The following KIF6 variants were observed in gnomAD, a reference collection of about 807,000 sequenced individuals.
The protein encoded by KIF6 is kinesin family member 6, also known as kinesin-like protein KIF6.
KIF6 carries 106 observed loss-of-function variants against 112.7 expected under a neutral mutation model. That is an observed-to-expected ratio of 0.94 (90% confidence interval 0.80 to 1.11). The LOEUF is 1.11. Ranked by LOEUF, KIF6 falls within the 50% of genes least tolerant of loss-of-function variation. The pLI is 0.00. For missense variants in KIF6, 929 were observed against 964.0 expected, an observed-to-expected ratio of 0.96 and a Z score of 0.48; for synonymous variants, 339 against 339.9, an observed-to-expected ratio of 1.00 and a Z score of 0.03.
intron 9 of KIF6, among the ~76,000 whole-genome samples, chr6:39,584,417 T>TAAAAAAAAAAAAAAAA (rs61215070): frequency 2.2e-5 from 1 of 46,064 alleles, no homozygotes; most frequent in African/African-American, 4.8e-5. Context: ...ACTCTGTCTC[T>TAAAAAAAAAAAAAAAA]AAAAAAAAAA....
At chr6:39,585,090 T>A (rs1332811317) in intron 8 of KIF6, 106 bp from the exon 9 acceptor site, 3 of 695,842 alleles carry the variant, frequency 4.3e-6, no homozygotes, top group Admixed American at 2.3e-5. Flanking sequence ...ACCTAAAAAG[T>A]GATGTGTATA....
intron 10 of KIF6, among the ~76,000 whole-genome samples, chr6:39,547,796 C>A (rs1402757075): frequency 6.6e-6 from 1 of 152,182 alleles, no homozygotes; most frequent in Non-Finnish European, 1.5e-5. Flanking sequence ...AAAGGTATTT[C>A]ATTTCTAATG....
intron 5 of KIF6, among the ~76,000 whole-genome samples, chr6:39,632,912 G>A (rs1841205): frequency 0.058 from 8,791 of 152,044 alleles, 777 homozygotes; most frequent in African/African-American, 0.19. Flanking sequence ...GAGCCACCGC[G>A]CCTGGCCAAG....
chr6:39,541,118 T>A (rs994366001), intron 12 of KIF6, among the ~76,000 whole-genome samples: 1 of 152,204 alleles, frequency 6.6e-6, no homozygotes, highest in Non-Finnish European at 1.5e-5. Flanking sequence ...AAATGTGGTA[T>A]GTGTCCTAAA....
At chr6:39,702,868 AT>A (rs1788947484) in intron 3 of KIF6, among the ~76,000 whole-genome samples, 1 of 137,150 alleles carries the variant, frequency 7.3e-6, no homozygotes, top group South Asian at 2.5e-4. Flanking sequence ...GAATGAAGAA[AT>A]TTTATAAACA....
intron 14 of KIF6, among the ~76,000 whole-genome samples, chr6:39,423,057 T>A (rs372083245): frequency 4.5e-4 from 69 of 152,316 alleles, no homozygotes; most frequent in African/African-American, 1.6e-3. Context: ...TGCCAAAGCA[T>A]TCCTATTAGG....
intron 9 of KIF6, among the ~76,000 whole-genome samples, chr6:39,582,601 G>A (rs755946977): frequency 1.3e-5 from 2 of 152,042 alleles, no homozygotes; most frequent in Non-Finnish European, 2.9e-5. Flanking sequence ...TTTTAGTAGA[G>A]ATGGGGTTTC....
chr6:39,393,215 C>T (rs1421163480), intron 15 of KIF6, among the ~76,000 whole-genome samples: 1 of 152,168 alleles, frequency 6.6e-6, no homozygotes, highest in Non-Finnish European at 1.5e-5. Flanking sequence ...GAGCATTTAC[C>T]ACCCGCAGGC....
chr6:39,340,900 C>T (rs1375709185), intron 22 of KIF6, among the ~76,000 whole-genome samples: 7 of 152,108 alleles, frequency 4.6e-5, no homozygotes, highest in African/African-American at 1.7e-4. Context: ...GGATTTGTTA[C>T]AGGGGAAGGG....
At position 39,509,916 on chromosome 6, in the gene KIF6, A is replaced by G. The variant is rs954154189; in HGVS notation, c.1645+30087T>C. ...ATACTCCTTGAGAAGAGCAACCCCA[A>G]GACATATAATTGTCAGATTCACCAA... is the stretch of plus-strand genomic sequence containing the variant. On this transcript the variant is annotated intron_variant, in intron 13 of 22. Transcript: ENST00000287152. Among the ~76,000 whole-genome samples the G allele has an allele frequency of 1.4e-4, 22 of 152,146 alleles. 1 individual carries two copies. Among genetic ancestry groups the G allele is most frequent in the Non-Finnish European group, 4.4e-5 (3 of 68,022 alleles).
chr6:39,669,795 G>C (rs1313560141), intron 3 of KIF6, among the ~76,000 whole-genome samples: 2 of 152,200 alleles, frequency 1.3e-5, no homozygotes, highest in African/African-American at 4.8e-5. Context: ...ATTGAGGCAG[G>C]GCAGAGGTGG....
chr6:39,372,254 G>A (rs1199667737), intron 16 of KIF6, among the ~76,000 whole-genome samples: 1 of 152,190 alleles, frequency 6.6e-6, no homozygotes, highest in Non-Finnish European at 1.5e-5. Flanking sequence ...CTATGAAGAT[G>A]GGAAGAGACG....
At chr6:39,442,328 T>C (rs1443039326) in intron 13 of KIF6, among the ~76,000 whole-genome samples, 3 of 152,176 alleles carry the variant, frequency 2.0e-5, no homozygotes, top group African/African-American at 7.2e-5. Context: ...TAGCTTCTGA[T>C]TGCCAGCAAT....
chr6:39,698,882 C>T (rs918511436), intron 3 of KIF6, among the ~76,000 whole-genome samples: 2 of 152,132 alleles, frequency 1.3e-5, no homozygotes, highest in African/African-American at 4.8e-5. Context: ...TAATTAAAAT[C>T]AATGGAAATA....
At chr6:39,703,392 T>C (rs1788996981) in intron 3 of KIF6, among the ~76,000 whole-genome samples, 1 of 152,092 alleles carries the variant, frequency 6.6e-6, no homozygotes, top group African/African-American at 2.4e-5. Context: ...AGAAACCAAT[T>C]AAATGCTCAG....
At position 39,343,401 on chromosome 6, in the gene KIF6, C is replaced by G; in HGVS notation, c.2428+308G>C. 1.5e-6 allele frequency: 2 copies of G among 1,351,826 alleles called. No homozygotes were observed. Among genetic ancestry groups the G allele is most frequent in the Non-Finnish European group, 1.9e-6 (2 of 1,029,632 alleles). 83.7% of individuals were successfully genotyped at this position (1,351,826 alleles called of 1,614,324 possible). On this transcript the variant is annotated intron_variant, in intron 22 of 22. Coordinates refer to ENST00000287152, the MANE Select transcript of KIF6 (RefSeq NM_145027.6). This position sits in a 1 kb window ranked among gnomAD's most constrained non-coding sequence, Gnocchi z 4.1. ...GTAGAAGCCTGAGCAGAGGAGACAG[C>G]TGACTTTGGGAACAGAGAACAAAGG...
At chr6:39,381,574 G>A (rs564795607) in intron 16 of KIF6, among the ~76,000 whole-genome samples, 1 of 152,284 alleles carries the variant, frequency 6.6e-6, no homozygotes, top group East Asian at 1.9e-4. Flanking sequence ...AAGGGCGAGA[G>A]TTAAGGTTCT....
intron 15 of KIF6, among the ~76,000 whole-genome samples, chr6:39,396,533 G>A (rs1768283090): frequency 6.6e-6 from 1 of 152,172 alleles, no homozygotes; most frequent in East Asian, 1.9e-4. Context: ...GTGGAAAACG[G>A]CAGGAGAAGT....
intron 6 of KIF6, among the ~76,000 whole-genome samples, chr6:39,606,425 A>G (rs909748910): frequency 6.6e-6 from 1 of 152,110 alleles, no homozygotes; most frequent in Non-Finnish European, 1.5e-5. Context: ...CACCTACTCC[A>G]TATATATAAA....
Sources: allele counts gnomAD v4.1 joint callset (sites outside exome capture counted in the v4.1 genomes callset), GRCh38; gene constraint gnomAD v4.1.1; non-coding constraint Gnocchi (gnomAD v3.1); transcripts MANE v1.5; gene names NCBI Gene and HGNC (gene_info 2026-07-23, HGNC 2026-07-21).